Variants in KATNAL2 observed in about 807,000 individuals in gnomAD.
KATNAL2 encodes katanin p60 ATPase-containing subunit A-like 2.
In KATNAL2, 52 loss-of-function variants were observed where a neutral mutation model predicts 76.3. That is an observed-to-expected ratio of 0.68 (90% CI 0.55 to 0.86). The LOEUF (loss-of-function observed/expected upper bound fraction) is 0.86, where lower values mean the gene tolerates loss of function less well. KATNAL2 is among the 40% of genes least tolerant of loss of function. The probability of loss-of-function intolerance (pLI) is 0.00; values close to 1 mark genes in which losing one functional copy is unlikely to be tolerated. For synonymous variants in KATNAL2, 243 were observed against 244.2 expected, an observed-to-expected ratio of 1.00 and a Z score of 0.05; for missense variants, 660 against 668.9, an observed-to-expected ratio of 0.99 and a Z score of 0.15.
At chr18:47,045,663 T>C (rs1234745194) in intron 3 of KATNAL2, among the ~76,000 whole-genome samples, 1 of 152,214 alleles carries the variant, frequency 6.6e-6, no homozygotes, top group Admixed American at 6.5e-5. Flanking sequence ...TAAGTGTTTG[T>C]GCATAGATTT....
At chr18:46,937,404 T>C (rs2059125511) in intron 1 of KATNAL2, among the ~76,000 whole-genome samples, 1 of 151,976 alleles carries the variant, frequency 6.6e-6, no homozygotes, top group Admixed American at 6.6e-5. Flanking sequence ...TATTATTTTC[T>C]ATTTATTTTT....
At chr18:47,032,401 C>G (rs575015172) in intron 3 of KATNAL2, among the ~76,000 whole-genome samples, 1 of 152,292 alleles carries the variant, frequency 6.6e-6, no homozygotes, top group South Asian at 2.1e-4. Context: ...GACCGTGCCA[C>G]CATGCCAGGC....
At chr18:46,919,967 A>G in intron 1 of KATNAL2, 1 of 803,570 alleles carries the variant, frequency 1.2e-6, no homozygotes, top group South Asian at 1.4e-5. Flanking sequence ...AGTACAATAC[A>G]GCCCTGCCAC....
intron 3 of KATNAL2, among the ~76,000 whole-genome samples, chr18:46,957,847 C>T (rs1007896979): frequency 7.2e-5 from 11 of 152,084 alleles, no homozygotes; most frequent in African/African-American, 2.7e-4. Flanking sequence ...CAGGCGTGAG[C>T]CACCGCGCCC....
intron 15 of KATNAL2, among the ~76,000 whole-genome samples, chr18:47,082,163 C>A (rs1385030956): frequency 6.6e-6 from 1 of 152,134 alleles, no homozygotes; most frequent in East Asian, 1.9e-4. Flanking sequence ...ACTGACCTGG[C>A]CTAACTAAGA....
chr18:47,099,030 C>A, intron 15 of KATNAL2: 1 of 412,894 alleles, frequency 2.4e-6, no homozygotes, highest in Non-Finnish European at 4.3e-6. Flanking sequence ...TTTCTGCTTT[C>A]CTCTCTTCCC....
At chr18:46,927,258 G>T (rs1209425023) in intron 1 of KATNAL2, among the ~76,000 whole-genome samples, 1 of 152,056 alleles carries the variant, frequency 6.6e-6, no homozygotes, top group Non-Finnish European at 1.5e-5. Flanking sequence ...CTTCCTTCAG[G>T]AGCTCTTTTA....
intron 8 of KATNAL2, 56 bp from the exon 9 acceptor site, chr18:47,062,916 T>A: frequency 2.2e-6 from 3 of 1,380,948 alleles, no homozygotes; most frequent in Admixed American, 1.7e-5. Flanking sequence ...ACTGAGTTAT[T>A]AAGAAGAGTC....
rs145723313 is a variant in KATNAL2, at chr18:47,033,404, C to G, written c.52-13053C>G. ...GCAGATCGGATATTCGTTGTCATTACTCTCAGCCGCTGCTCTGGGGCGTCC... is the reference window on the plus strand; with the variant it reads ...GCAGATCGGATATTCGTTGTCATTAGTCTCAGCCGCTGCTCTGGGGCGTCC... On this transcript the variant is annotated intron_variant, in intron 3 of 17. Transcript: ENST00000683218. 1.1e-5 allele frequency: 18 copies of G among 1,614,176 alleles called. No individual in the cohort carries two copies. The African/African-American group carries it at 2.3e-4, about 20-fold the overall frequency.
At chr18:47,041,324 T>C (rs895973937) in intron 3 of KATNAL2, among the ~76,000 whole-genome samples, 1 of 152,236 alleles carries the variant, frequency 6.6e-6, no homozygotes, top group Non-Finnish European at 1.5e-5. Flanking sequence ...TAGAATGGTT[T>C]CGCTGCCCTA....
chr18:46,934,661 C>T (rs1286021972), intron 1 of KATNAL2, among the ~76,000 whole-genome samples: 2 of 152,116 alleles, frequency 1.3e-5, no homozygotes, highest in Non-Finnish European at 2.9e-5. Flanking sequence ...AATTAGATTC[C>T]ATTTGTCAGT....
intron 3 of KATNAL2, among the ~76,000 whole-genome samples, chr18:46,957,553 CTTTT>C (rs67089810): frequency 3.3e-5 from 2 of 60,512 alleles, no homozygotes; most frequent in African/African-American, 1.3e-4. Context: ...CGCGCCTGGC[CTTTT>C]TTTTTTTTTT....
chr18:47,042,277 T>C (rs2060990394), intron 3 of KATNAL2, among the ~76,000 whole-genome samples: 1 of 152,244 alleles, frequency 6.6e-6, no homozygotes, highest in African/African-American at 2.4e-5. Flanking sequence ...CAACTAGCTT[T>C]TGAATGGCAG....
chr18:47,059,978 A>G (rs555851759), intron 8 of KATNAL2, among the ~76,000 whole-genome samples: 1 of 147,050 alleles, frequency 6.8e-6, no homozygotes, highest in African/African-American at 2.5e-5. Context: ...TGGCATGATC[A>G]TCCTGCATCG....
intron 15 of KATNAL2, chr18:47,084,294 G>C: frequency 1.4e-6 from 1 of 701,886 alleles, no homozygotes; most frequent in Non-Finnish European, 2.6e-6. Flanking sequence ...GCATGTGATT[G>C]GAGGGATAAG....
intron 1 of KATNAL2, among the ~76,000 whole-genome samples, chr18:46,921,404 G>T (rs1230278579): frequency 2.0e-5 from 3 of 152,178 alleles, no homozygotes; most frequent in African/African-American, 7.2e-5. Context: ...GGGATTACAG[G>T]CATGAGCTAC....
At chr18:47,051,498 G>C (rs2061340933) in intron 4 of KATNAL2, among the ~76,000 whole-genome samples, 1 of 151,806 alleles carries the variant, frequency 6.6e-6, no homozygotes, top group South Asian at 2.1e-4. Flanking sequence ...TCTCTGAGGG[G>C]CAGAATTTTC....
At chr18:46,935,662 A>T (rs950490317) in intron 1 of KATNAL2, among the ~76,000 whole-genome samples, 1 of 152,186 alleles carries the variant, frequency 6.6e-6, no homozygotes, top group African/African-American at 2.4e-5. Context: ...TCACACCTGT[A>T]ATCCCAGCAC....
chr18:47,035,416 C>T (rs1326746644), intron 3 of KATNAL2: 29 of 1,465,426 alleles, frequency 2.0e-5, no homozygotes, highest in Non-Finnish European at 2.6e-5. Context: ...CGAGCTGGGT[C>T]CTCGGAGCAG....
Sources: gnomAD v4.1 joint callset for allele counts (sites outside exome capture counted in the v4.1 genomes callset) on GRCh38, gnomAD v4.1.1 for gene constraint, MANE v1.5 for transcripts, NCBI Gene and HGNC (gene_info 2026-07-23, HGNC 2026-07-21) for gene names.